The following ADAMTS17 variants were observed in gnomAD, a reference collection of about 807,000 sequenced individuals.
The protein encoded by ADAMTS17 is ADAM metallopeptidase with thrombospondin type 1 motif 17, also known as A disintegrin and metalloproteinase with thrombospondin motifs 17.
A neutral mutation model predicts 141.5 loss-of-function variants in ADAMTS17; 113 were observed. The observed-to-expected ratio is 0.80, with a 90% CI of 0.69 to 0.93. The LOEUF (loss-of-function observed/expected upper bound fraction) is 0.93. ADAMTS17 is among the 40% of genes least tolerant of loss of function. The probability of loss-of-function intolerance (pLI) is 0.00; values close to 1 mark genes in which losing one functional copy is unlikely to be tolerated. For synonymous variants in ADAMTS17, 768 were observed against 630.6 expected (o/e 1.22, Z -3.27); for missense variants, 1,659 against 1,517.9 (o/e 1.09, Z -1.54).
chr15:99,992,738 C>T (rs1314408588), intron 20 of ADAMTS17, among the ~76,000 whole-genome samples: 1 of 152,222 alleles, frequency 6.6e-6, no homozygotes, highest in East Asian at 1.9e-4. Flanking sequence ...CACCGCACAG[C>T]ATGGCAAGCC....
intron 15 of ADAMTS17, among the ~76,000 whole-genome samples, chr15:100,090,719 G>A (rs186088100): frequency 3.9e-5 from 6 of 152,202 alleles, no homozygotes; most frequent in African/African-American, 1.4e-4. Context: ...ATGATAAAAA[G>A]GAAACCAGCT....
intron 13 of ADAMTS17, among the ~76,000 whole-genome samples, chr15:100,113,833 C>T (rs1394954098): frequency 6.6e-6 from 1 of 152,232 alleles, no homozygotes; most frequent in Non-Finnish European, 1.5e-5. Context: ...GGGGGTTCTG[C>T]CGTGCCAGGC....
intron 14 of ADAMTS17, among the ~76,000 whole-genome samples, chr15:100,108,166 C>T (rs962484061): frequency 6.6e-6 from 1 of 151,486 alleles, no homozygotes; most frequent in African/African-American, 2.4e-5. Context: ...TCCTTCTTCT[C>T]GCATTCCTTT....
At chr15:100,165,828 C>G (rs926331220) in intron 8 of ADAMTS17, among the ~76,000 whole-genome samples, 3 of 152,142 alleles carry the variant, frequency 2.0e-5, no homozygotes, top group South Asian at 2.1e-4. Flanking sequence ...GAACCTCTGC[C>G]CCCCCTCAGG....
intron 15 of ADAMTS17, among the ~76,000 whole-genome samples, chr15:100,093,131 C>T (rs950653688): frequency 2.6e-5 from 4 of 152,154 alleles, no homozygotes; most frequent in East Asian, 1.9e-4. Flanking sequence ...AGTTTGGAAG[C>T]AACAGGCTGG....
chr15:100,090,828 A>C (rs142764124), intron 15 of ADAMTS17, among the ~76,000 whole-genome samples: 1 of 151,108 alleles, frequency 6.6e-6, no homozygotes, highest in Non-Finnish European at 1.5e-5. Flanking sequence ...CGACACGGTG[A>C]AACCCCATCT....
chr15:100,007,835 A>G (rs2061067734), intron 18 of ADAMTS17, among the ~76,000 whole-genome samples: 1 of 152,070 alleles, frequency 6.6e-6, no homozygotes, highest in South Asian at 2.1e-4. Context: ...GTCATGAGCA[A>G]AGGAGGTCAA....
chr15:100,162,447 G>GTT (rs1197953329), intron 8 of ADAMTS17, among the ~76,000 whole-genome samples: 1 of 128,084 alleles, frequency 7.8e-6, no homozygotes, highest in Non-Finnish European at 1.6e-5. Flanking sequence ...TACACATATA[G>GTT]TTATATATAT....
intron 15 of ADAMTS17, among the ~76,000 whole-genome samples, chr15:100,071,727 C>T (rs1359749974): frequency 3.3e-5 from 5 of 150,328 alleles, no homozygotes; most frequent in Admixed American, 2.0e-4. Context: ...GCTAAAAACT[C>T]TCAATAAATT....
intron 3 of ADAMTS17, among the ~76,000 whole-genome samples, chr15:100,290,540 T>C (rs1417309364): frequency 6.6e-6 from 1 of 152,172 alleles, no homozygotes; most frequent in East Asian, 1.9e-4. Flanking sequence ...GGAAAGAGCC[T>C]GAATAGCTAA....
At chr15:100,055,101 G>A (rs1161128223) in intron 15 of ADAMTS17, among the ~76,000 whole-genome samples, 2 of 152,110 alleles carry the variant, frequency 1.3e-5, no homozygotes, top group East Asian at 3.9e-4. Flanking sequence ...CCCAAAATGG[G>A]AACTCCAGGG....
intron 14 of ADAMTS17, among the ~76,000 whole-genome samples, chr15:100,097,806 G>A (rs2035853920): frequency 6.6e-6 from 1 of 152,230 alleles, no homozygotes; most frequent in African/African-American, 2.4e-5. Context: ...CTGCATCATG[G>A]CATGCTACTC....
chr15:100,252,694 C>G (rs1596366340), intron 7 of ADAMTS17, among the ~76,000 whole-genome samples: 1 of 152,348 alleles, frequency 6.6e-6, no homozygotes, highest in African/African-American at 2.4e-5. Flanking sequence ...AAGCATCCTT[C>G]ACACGGCCTT....
chr15:100,179,691 A>G (rs1451290206), intron 8 of ADAMTS17, among the ~76,000 whole-genome samples: 1 of 151,984 alleles, frequency 6.6e-6, no homozygotes, highest in Non-Finnish European at 1.5e-5. Context: ...TTTTTCCACA[A>G]CCTTGCCAGC....
chr15:100,284,351 C>A, intron 3 of ADAMTS17, among the ~76,000 whole-genome samples: 1 of 152,164 alleles, frequency 6.6e-6, no homozygotes, highest in South Asian at 2.1e-4. Context: ...CTCCTTTCCC[C>A]CATTCCCTAG....
intron 4 of ADAMTS17, among the ~76,000 whole-genome samples, chr15:100,273,813 T>G (rs544300495): frequency 1.1e-4 from 16 of 152,320 alleles, no homozygotes; most frequent in Non-Finnish European, 2.1e-4. Context: ...TGTTTACCGC[T>G]ATACATGCTA....
At chr15:100,111,860 T>A (rs1048408980) in intron 13 of ADAMTS17, among the ~76,000 whole-genome samples, 2 of 152,234 alleles carry the variant, frequency 1.3e-5, no homozygotes, top group East Asian at 3.9e-4. Flanking sequence ...TCACAGGAAG[T>A]GCTCGACTGT....
In ADAMTS17 at chr15:100,337,721, C is replaced by T. The variant is rs140956183; in HGVS notation, c.450+3318G>A. On this transcript the variant is annotated intron_variant, in intron 2 of 21. Coordinates refer to ENST00000268070, the MANE Select transcript of ADAMTS17 (RefSeq NM_139057.4). ...CTGCTTGGCAGACCAAACCCGACAG[C>T]AGGGGGCCTCCAGCCCTCCCCTCCT... 4.6e-3 allele frequency among the ~76,000 whole-genome samples: 704 copies of T among 152,360 alleles called. 5 individuals carry two copies. The highest frequency in any genetic ancestry group is 0.016 in the African/African-American group (668 of 41,590).
chr15:100,202,434 C>T (rs2041371045), intron 7 of ADAMTS17, among the ~76,000 whole-genome samples: 1 of 152,028 alleles, frequency 6.6e-6, no homozygotes, highest in African/African-American at 2.4e-5. Flanking sequence ...TAAAACTGAG[C>T]AAGGAAAAAC....
Sources: allele counts gnomAD v4.1 joint callset (sites outside exome capture counted in the v4.1 genomes callset), GRCh38; gene constraint gnomAD v4.1.1; transcripts MANE v1.5; gene names NCBI Gene and HGNC (gene_info 2026-07-23, HGNC 2026-07-21).